Variants in NTRK3 observed in about 807,000 individuals in gnomAD.
NTRK3 encodes the protein neurotrophic receptor tyrosine kinase 3.
In NTRK3, 24 loss-of-function variants were observed where a neutral mutation model predicts 91.7. That is an observed-to-expected ratio of 0.26 (90% CI 0.19 to 0.37). The LOEUF (loss-of-function observed/expected upper bound fraction) is 0.37, where lower values mean the gene tolerates loss of function less well. NTRK3 is among the 10% of genes least tolerant of loss of function. NTRK3 has a pLI of 1.00. For synonymous variants in NTRK3, 483 were observed against 404.0 expected, an observed-to-expected ratio of 1.20 and a Z score of -2.34; for missense variants, 880 against 1,068.9, an observed-to-expected ratio of 0.82 and a Z score of 2.46.
exon 19 of NTRK3, chr15:87,866,044 C>T (rs1200061028): frequency 4.3e-6 from 1 of 230,710 alleles, no homozygotes; most frequent in East Asian, 6.1e-5. Context: ...TGGCCCTGTA[C>T]AGTTCACAGA....
intron 3 of NTRK3, among the ~76,000 whole-genome samples, chr15:88,222,580 C>T (rs1037591042): frequency 6.6e-6 from 1 of 152,212 alleles, no homozygotes; most frequent in African/African-American, 2.4e-5. Context: ...TGTGAAACAG[C>T]CTGTGATTTC....
chr15:88,056,707 T>C lies in NTRK3; in HGVS notation c.1397-23662A>G, dbSNP rs1050704736. On this transcript the variant is annotated intron_variant, in intron 13 of 18. Coordinates refer to ENST00000394480, the Ensembl canonical transcript of NTRK3. ...TGGTCTGAGAATCTCTGAGGCAAGA[T>C]AGCCTGTCCGGAAAACCCTTTGGCA... is the stretch of plus-strand genomic sequence containing the variant. Among the ~76,000 whole-genome samples the C allele has an allele frequency of 1.4e-4, 22 of 152,358 alleles. 1 individual carries two copies. The highest frequency in any genetic ancestry group is 4.1e-4 in the South Asian group (2 of 4,830).
intron 14 of NTRK3, among the ~76,000 whole-genome samples, chr15:87,950,959 T>A (rs2071050666): frequency 6.6e-6 from 1 of 152,224 alleles, no homozygotes; most frequent in Non-Finnish European, 1.5e-5. Context: ...AGTATCCATG[T>A]CTTCAGGACA....
intron 3 of NTRK3, among the ~76,000 whole-genome samples, chr15:88,192,486 T>A (rs191030158): frequency 6.6e-6 from 1 of 152,150 alleles, no homozygotes; most frequent in East Asian, 1.9e-4. Context: ...AGAACAAGCA[T>A]CCCCTCCTAC....
chr15:88,039,220 A>T (rs1414284255), intron 13 of NTRK3, among the ~76,000 whole-genome samples: 1 of 151,934 alleles, frequency 6.6e-6, no homozygotes, highest in East Asian at 1.9e-4. Flanking sequence ...GCTGTCACTA[A>T]TCCATTCCAA....
intron 14 of NTRK3, among the ~76,000 whole-genome samples, chr15:88,000,232 A>C (rs529208366): frequency 6.6e-5 from 10 of 152,250 alleles, no homozygotes; most frequent in Non-Finnish European, 8.8e-5. Flanking sequence ...CATACTAGTT[A>C]GTAAATAGCC....
At chr15:88,027,634 G>A (rs897282884) in intron 14 of NTRK3, among the ~76,000 whole-genome samples, 5 of 152,098 alleles carry the variant, frequency 3.3e-5, no homozygotes, top group African/African-American at 1.2e-4. Context: ...CCCCCGCCTC[G>A]GCCTCCCAAA....
At chr15:88,152,632 G>C (rs1207545954) in intron 5 of NTRK3, among the ~76,000 whole-genome samples, 1 of 152,190 alleles carries the variant, frequency 6.6e-6, no homozygotes, top group Non-Finnish European at 1.5e-5. Flanking sequence ...CCAGACTGTG[G>C]CATTGAGTTC....
rs915863973 is a variant in NTRK3 at position 87,894,070 on chromosome 15, T to A, written c.2134-13642A>T. 5.9e-4 allele frequency among the ~76,000 whole-genome samples: 90 copies of A among 152,250 alleles called. 1 individual carries two copies. The highest frequency in any genetic ancestry group is 5.9e-3 in the Admixed American group (90 of 15,288). On this transcript the variant is annotated intron_variant, in intron 17 of 18. Coordinates refer to ENST00000394480, the Ensembl canonical transcript of NTRK3. ...TTTTTTATTTATTAAAATTTAATCT[T>A]TCTTGATTCCATGTCTATTCACATA... is the stretch of plus-strand genomic sequence containing the variant.
intron 6 of NTRK3, among the ~76,000 whole-genome samples, chr15:88,142,968 A>T (rs1247439954): frequency 6.6e-6 from 1 of 152,044 alleles, no homozygotes; most frequent in East Asian, 1.9e-4. Flanking sequence ...TAATCTCAAC[A>T]TTTTGGGGGG....
rs192472130 is a variant in NTRK3, at chr15:88,237,220, C to T, written c.248+18686G>A. Among the ~76,000 whole-genome samples the T allele has an allele frequency of 1.4e-4, 22 of 152,098 alleles. 1 individual carries two copies. The highest frequency in any genetic ancestry group is 2.2e-4 in the African/African-American group (9 of 41,478). On this transcript the variant is annotated intron_variant, in intron 3 of 18. Transcript: ENST00000394480. The surrounding 1 kb of genome is among the most constrained non-coding windows in gnomAD (Gnocchi z 4.0). ...GCCATATTAATTGCAGAGTCTAGGG[C>T]GTAGTTTTATGGATGTTCACAGCAA...
At chr15:87,917,985 C>CTGTTTTTTTG (rs911221590) in intron 17 of NTRK3, among the ~76,000 whole-genome samples, 1 of 121,208 alleles carries the variant, frequency 8.3e-6, no homozygotes, top group African/African-American at 4.1e-5. Context: ...CTCCATTTCA[C>CTGTTTTTTTG]TGTTTTTTTG....
Position 88,246,052 on chromosome 15 carries a change from G to A in NTRK3, c.248+9854C>T, listed in dbSNP as rs561005139. ...CAGGAAGCTGGGAGCAGACCCTCAAGAAAGAGTCACAGGCCCCAGACCAGA... is the reference window on the plus strand; with the variant it reads ...CAGGAAGCTGGGAGCAGACCCTCAAAAAAGAGTCACAGGCCCCAGACCAGA... On this transcript the variant is annotated intron_variant, in intron 3 of 18. Transcript: ENST00000394480. Among the ~76,000 whole-genome samples the A allele has an allele frequency of 4.6e-5, 7 of 152,298 alleles. No homozygotes were observed. The East Asian group carries it at 1.4e-3, about 29-fold the overall frequency.
chr15:88,009,952 A>T (rs2076755733), intron 14 of NTRK3, among the ~76,000 whole-genome samples: 1 of 152,204 alleles, frequency 6.6e-6, no homozygotes, highest in Non-Finnish European at 1.5e-5. Flanking sequence ...AACTTATCCA[A>T]GCCAAAAAAC....
At chr15:88,198,635 AC>A (rs1160068776) in intron 3 of NTRK3, among the ~76,000 whole-genome samples, 12 of 152,192 alleles carry the variant, frequency 7.9e-5, no homozygotes, top group Non-Finnish European at 1.5e-4. Flanking sequence ...TTCCTTGACA[AC>A]AAAGTCTGCT....
chr15:87,895,801 AT>A (rs2066087592), intron 17 of NTRK3, among the ~76,000 whole-genome samples: 1 of 149,272 alleles, frequency 6.7e-6, no homozygotes, highest in African/African-American at 2.5e-5. Flanking sequence ...ATTTTATTTT[AT>A]TTTATTTATT....
intron 14 of NTRK3, among the ~76,000 whole-genome samples, chr15:87,984,815 G>A (rs188687232): frequency 7.9e-5 from 12 of 152,252 alleles, no homozygotes; most frequent in Middle Eastern, 3.4e-3. Flanking sequence ...ATAACCCACT[G>A]CGGTAGCCAC....
At chr15:87,879,176 A>G (rs2065105413) in intron 18 of NTRK3, among the ~76,000 whole-genome samples, 1 of 152,152 alleles carries the variant, frequency 6.6e-6, no homozygotes, top group Non-Finnish European at 1.5e-5. Context: ...TCAAGTGGTC[A>G]AGACATAGGA....
At chr15:87,925,473 C>T (rs2068221246) in intron 17 of NTRK3, 2 of 111,480 alleles carry the variant, frequency 1.8e-5, no homozygotes, top group East Asian at 2.0e-4. Context: ...ACACACAGGC[C>T]TGGATTATCT....
Sources: gnomAD v4.1 joint callset for allele counts (sites outside exome capture counted in the v4.1 genomes callset) on GRCh38, gnomAD v4.1.1 for gene constraint, Gnocchi (gnomAD v3.1) non-coding constraint, MANE v1.5 for transcripts, NCBI Gene and HGNC (gene_info 2026-07-23, HGNC 2026-07-21) for gene names.